The following EMCN variants were observed in gnomAD, a reference collection of about 807,000 sequenced individuals.
The protein encoded by EMCN is endomucin.
In EMCN, 37 loss-of-function variants were observed where a neutral mutation model predicts 38.4. The ratio of observed to expected loss-of-function variants is 0.96; its 90% CI spans 0.74 to 1.27. The LOEUF is 1.27. Ranked by LOEUF, EMCN falls within the 50% of genes most tolerant of loss-of-function variation. The pLI, the probability that EMCN is intolerant of heterozygous loss-of-function variation, is 0.00. For missense variants in EMCN, 318 were observed against 302.8 expected (o/e 1.05, Z -0.37); for synonymous variants, 95 against 100.8 (o/e 0.94, Z 0.35).
At chr4:100,437,960 T>A (rs2110233750) in intron 5 of EMCN, among the ~76,000 whole-genome samples, 1 of 152,254 alleles carries the variant, frequency 6.6e-6, no homozygotes, top group Admixed American at 6.5e-5. Context: ...TTAACAAGGA[T>A]TGTGTTGAAT....
intron 11 of EMCN, among the ~76,000 whole-genome samples, chr4:100,407,814 A>G (rs1726437267): frequency 6.6e-6 from 1 of 152,198 alleles, no homozygotes; most frequent in Admixed American, 6.5e-5. Flanking sequence ...ATCCTCAAAC[A>G]TGTTTTCCAA....
At chr4:100,486,201 T>C (rs1054319709) in intron 1 of EMCN, among the ~76,000 whole-genome samples, 2 of 152,192 alleles carry the variant, frequency 1.3e-5, no homozygotes, top group African/African-American at 4.8e-5. Flanking sequence ...GTGTCTGGCA[T>C]AATCAGAAAT....
intron 7 of EMCN, among the ~76,000 whole-genome samples, chr4:100,422,010 C>G (rs1726903306): frequency 6.6e-6 from 1 of 151,772 alleles, no homozygotes; most frequent in Admixed American, 6.6e-5. Flanking sequence ...GCCTGCCTTC[C>G]TTCCTTCCTT....
intron 4 of EMCN, among the ~76,000 whole-genome samples, chr4:100,460,476 G>A (rs780275714): frequency 7.2e-5 from 11 of 152,134 alleles, no homozygotes; most frequent in African/African-American, 2.7e-4. Context: ...TGGCAGGGGA[G>A]GCGTCACAAT....
intron 11 of EMCN, among the ~76,000 whole-genome samples, chr4:100,399,714 G>A (rs1726205353): frequency 6.6e-6 from 1 of 151,970 alleles, no homozygotes; most frequent in Non-Finnish European, 1.5e-5. Context: ...TTATATCCAA[G>A]GTCAAGTGAG....
At chr4:100,423,197 A>G in intron 6 of EMCN, 115 bp downstream of exon 6, 1 of 1,336,068 alleles carries the variant, frequency 7.5e-7, no homozygotes, top group Non-Finnish European at 1.1e-6. Flanking sequence ...CTGCAAGTGC[A>G]AAAGATTCAG....
intron 3 of EMCN, chr4:100,474,035 T>C (rs777467889): frequency 1.3e-5 from 2 of 152,244 alleles, no homozygotes; most frequent in African/African-American, 2.4e-5. Context: ...GCTTTCTGAA[T>C]CTTCAGGCTT....
chr4:100,472,921 T>C (rs1335224078), intron 3 of EMCN, among the ~76,000 whole-genome samples: 3 of 145,540 alleles, frequency 2.1e-5, no homozygotes, highest in South Asian at 2.1e-4. Context: ...TTATGTTTTA[T>C]AGATAGATAG....
rs1726755879 is a variant in EMCN at position 100,417,050 on chromosome 4, A to G, written c.689+67T>C. The G allele has an allele frequency of 4.1e-6, 6 of 1,472,492 alleles. 1 individual carries two copies. Among genetic ancestry groups the G allele is most frequent in the South Asian group, 2.3e-5 (2 of 87,564 alleles). 91.2% of individuals were successfully genotyped at this position (1,472,492 alleles called of 1,614,324 possible). On this transcript the variant is annotated intron_variant, in intron 9 of 11. Coordinates refer to ENST00000296420, the MANE Select transcript of EMCN (RefSeq NM_016242.4). ...AGAAATAATCCAAAAAAGTATAAGTAGAGTAACAATAATTTTCACTACGTA... is the reference window on the plus strand; with the variant it reads ...AGAAATAATCCAAAAAAGTATAAGTGGAGTAACAATAATTTTCACTACGTA...
intron 4 of EMCN, among the ~76,000 whole-genome samples, chr4:100,460,613 G>A (rs1846878): frequency 0.93 from 140,976 of 152,208 alleles, 65,346 homozygotes; most frequent in African/African-American, 0.97. Context: ...TCACAAGAAC[G>A]GTATGGAAAA....
intron 3 of EMCN, among the ~76,000 whole-genome samples, chr4:100,467,439 G>T (rs1304416321): frequency 1.3e-5 from 2 of 152,058 alleles, no homozygotes; most frequent in Non-Finnish European, 2.9e-5. Flanking sequence ...AGCACTTTGG[G>T]AGGCCGAGGC....
rs1054981301 is a variant in EMCN, at chr4:100,396,813, C to T, written c.*1600G>A. The T allele has an allele frequency of 6.6e-6, 1 of 151,812 alleles. No homozygotes were observed. Among genetic ancestry groups the T allele is most frequent in the African/African-American group, 2.4e-5 (1 of 41,390 alleles). The allele number at this position is 151,812 out of a possible 1,614,324, so 9.4% of individuals were successfully genotyped here. ...AGACAAATGCTCTCTGATTGGCATGCTCCAGTCACTGTCTCACCATTTAAA... is the reference window on the plus strand; with the variant it reads ...AGACAAATGCTCTCTGATTGGCATGTTCCAGTCACTGTCTCACCATTTAAA... On this transcript the variant is annotated 3_prime_UTR_variant, in exon 12 of 12. Transcript: ENST00000296420.
At chr4:100,504,409 C>T (rs1478871504) in intron 1 of EMCN, among the ~76,000 whole-genome samples, 1 of 152,176 alleles carries the variant, frequency 6.6e-6, no homozygotes, top group Admixed American at 6.5e-5. Flanking sequence ...CGAACTTTTT[C>T]AGTATAATAA....
Position 100,417,100 on chromosome 4 carries a change from G to T in EMCN, c.689+17C>A, listed in dbSNP as rs767448929. 6 of 1,612,622 alleles carry T rather than the reference G, an allele frequency of 3.7e-6. No homozygotes were observed. The highest frequency in any genetic ancestry group is 4.2e-6 in the Non-Finnish European group (5 of 1,178,786). ...AAATGGTAGGGTCTAAACAAAAGAT[G>T]ATATGGGCTTACTTACTGATCATTT... On this transcript the variant is annotated intron_variant, in intron 9 of 11. Transcript: ENST00000296420.
intron 11 of EMCN, among the ~76,000 whole-genome samples, chr4:100,404,105 A>T (rs775507782): frequency 6.6e-6 from 1 of 151,878 alleles, no homozygotes; most frequent in Non-Finnish European, 1.5e-5. Flanking sequence ...TTTTTGTTGC[A>T]ATTGCTTTTG....
At chr4:100,496,942 C>T (rs1233594651) in intron 1 of EMCN, among the ~76,000 whole-genome samples, 1 of 151,974 alleles carries the variant, frequency 6.6e-6, no homozygotes, top group East Asian at 1.9e-4. Flanking sequence ...GATAGCTTCT[C>T]CATATGACAG....
intron 9 of EMCN, 112 bp from the exon 10 acceptor site, chr4:100,416,071 A>C: frequency 1.7e-6 from 1 of 575,532 alleles, no homozygotes; most frequent in Non-Finnish European, 3.0e-6. Context: ...ATATATATAT[A>C]ATGTGTGTGT....
At chr4:100,440,913 G>A (rs574980397) in intron 5 of EMCN, among the ~76,000 whole-genome samples, 98 of 151,830 alleles carry the variant, frequency 6.5e-4, no homozygotes, top group Non-Finnish European at 1.1e-3. Flanking sequence ...GTGAAACCCC[G>A]TCTTGACTAA....
intron 5 of EMCN, among the ~76,000 whole-genome samples, chr4:100,425,806 G>A (rs1165394786): frequency 6.6e-6 from 1 of 152,058 alleles, no homozygotes; most frequent in Non-Finnish European, 1.5e-5. Flanking sequence ...CCACTTCTGT[G>A]TTTTCACATG....
Sources: allele counts gnomAD v4.1 joint callset (sites outside exome capture counted in the v4.1 genomes callset), GRCh38; gene constraint gnomAD v4.1.1; transcripts MANE v1.5; gene names NCBI Gene and HGNC (gene_info 2026-07-23, HGNC 2026-07-21).